SORCS2: variants seen among roughly 807,000 people sequenced by gnomAD.
SORCS2 encodes the protein sortilin related VPS10 domain containing receptor 2.
SORCS2 carries 100 observed loss-of-function variants against 141.6 expected under a neutral mutation model. That is an observed-to-expected ratio of 0.71 (90% CI 0.60 to 0.83). SORCS2 has a LOEUF of 0.83. Ranked by LOEUF, SORCS2 falls within the 40% of genes least tolerant of loss-of-function variation. The probability of loss-of-function intolerance (pLI) is 0.00; values close to 1 mark genes in which losing one functional copy is unlikely to be tolerated. For missense variants in SORCS2, 1,646 were observed against 1,560.2 expected, an observed-to-expected ratio of 1.05 and a Z score of -0.93; for synonymous variants, 789 against 676.9, an observed-to-expected ratio of 1.17 and a Z score of -2.57.
At chr4:7,359,292 T>C (rs1037677583) in intron 1 of SORCS2, among the ~76,000 whole-genome samples, 1 of 148,132 alleles carries the variant, frequency 6.8e-6, no homozygotes, top group Non-Finnish European at 1.5e-5. Flanking sequence ...CGAGACTCTG[T>C]TAAGCAAACA....
chr4:7,539,704 C>CCCGTTATGGAGGCCCCGCCCG (rs1712424646), intron 3 of SORCS2, among the ~76,000 whole-genome samples: 1 of 78,858 alleles, frequency 1.3e-5, no homozygotes, highest in Non-Finnish European at 3.5e-5. Flanking sequence ...GGCCCCGCCC[C>CCCGTTATGGAGGCCCCGCCCG]TTCCTGCTGT....
chr4:7,730,270 T>C (rs932268431), intron 23 of SORCS2, among the ~76,000 whole-genome samples: 3 of 152,076 alleles, frequency 2.0e-5, no homozygotes, highest in African/African-American at 7.2e-5. Flanking sequence ...AATCAGACAA[T>C]TCCAAGTGTT....
intron 3 of SORCS2, among the ~76,000 whole-genome samples, chr4:7,571,001 A>G (rs1212510746): frequency 2.0e-5 from 3 of 152,192 alleles, no homozygotes; most frequent in Non-Finnish European, 2.9e-5. Context: ...CCACTCTCCA[A>G]GGAAATCCCT....
chr4:7,666,812 C>A (rs561771744), intron 7 of SORCS2, among the ~76,000 whole-genome samples: 3 of 152,224 alleles, frequency 2.0e-5, no homozygotes, highest in East Asian at 3.9e-4. Context: ...GCATCTTTGG[C>A]CTGTCTCCTT....
intron 2 of SORCS2, among the ~76,000 whole-genome samples, chr4:7,417,494 C>A (rs1725776662): frequency 6.6e-6 from 1 of 152,156 alleles, no homozygotes; most frequent in Non-Finnish European, 1.5e-5. Flanking sequence ...GAAGCATGGG[C>A]ACCCTAATTC....
At position 7,510,653 on chromosome 4, in the gene SORCS2, G is replaced by T. The variant is rs540428239; in HGVS notation, c.549-20877G>T. 2.0e-5 allele frequency among the ~76,000 whole-genome samples: 3 copies of T among 150,764 alleles called. No homozygotes were observed. In the South Asian group the frequency reaches 6.3e-4, roughly 32 times the overall value. On this transcript the variant is annotated intron_variant, in intron 2 of 26. Coordinates refer to ENST00000507866, the MANE Select transcript of SORCS2 (RefSeq NM_020777.3). ...GGGCCGGCGCCTTGTTCTGGGTGCG[G>T]CATGTCCTGGAAATGCGACCCCGGG... is the stretch of plus-strand genomic sequence containing the variant.
At chr4:7,638,205 C>A (rs1184296324) in intron 3 of SORCS2, 123 bp from the exon 4 acceptor site, 6 of 1,238,222 alleles carry the variant, frequency 4.8e-6, no homozygotes, top group African/African-American at 3.1e-5. Context: ...CCGGCCCAGG[C>A]CTCACAACCC....
chr4:7,728,375 G>T lies in SORCS2; in HGVS notation c.2895G>T (p.Gln965His), dbSNP rs1427312482. 1.2e-6 allele frequency: 2 copies of T among 1,613,806 alleles called. No individual in the cohort carries two copies. Among genetic ancestry groups the T allele is most frequent in the African/African-American group, 1.3e-5 (1 of 75,052 alleles). The change falls in exon 22 of 27, where the codon CAG (glutamine) becomes CAT (histidine). Residue 965 changes from glutamine to histidine, a missense_variant. Coordinates refer to ENST00000507866, the MANE Select transcript of SORCS2 (RefSeq NM_020777.3). ...VLDQFQVMPL[Q>H]FSKELDAYNP... ...ATCAATTTCAAGTCATGCCTCTGCA[G>T]TTTTCCAAGGAGCTGGATGCCTACA...
Position 7,348,698 on chromosome 4 carries a change from C to T in SORCS2, c.481-47590C>T, listed in dbSNP as rs529957312. Among the ~76,000 whole-genome samples, 16 of 152,222 alleles carry T rather than the reference C, an allele frequency of 1.1e-4. No individual in the cohort carries two copies. In the East Asian group the frequency reaches 1.2e-3, roughly 11 times the overall value. ...TCCAGAGTAGCTGGGTTTACAGGGG[C>T]GCACCACCATGTCTGGCTAATTTTT... On this transcript the variant is annotated intron_variant, in intron 1 of 26. Transcript: ENST00000507866.
intron 2 of SORCS2, among the ~76,000 whole-genome samples, chr4:7,403,426 G>T (rs958181002): frequency 6.6e-6 from 1 of 152,112 alleles, no homozygotes; most frequent in African/African-American, 2.4e-5. Flanking sequence ...CATTTGCTAG[G>T]GTTCCATTTG....
intron 11 of SORCS2, among the ~76,000 whole-genome samples, chr4:7,694,503 C>T (rs1724468437): frequency 6.6e-6 from 1 of 152,078 alleles, no homozygotes; most frequent in African/African-American, 2.4e-5. Context: ...TCTTAAAAGA[C>T]AGACGTGTGC....
intron 2 of SORCS2, among the ~76,000 whole-genome samples, chr4:7,417,313 G>A (rs534137625): frequency 4.6e-5 from 7 of 152,300 alleles, no homozygotes; most frequent in African/African-American, 1.7e-4. Context: ...CCCAAGTCCT[G>A]CCTTTCTTGG....
intron 2 of SORCS2, among the ~76,000 whole-genome samples, chr4:7,416,386 T>C (rs1725671211): frequency 6.6e-6 from 1 of 152,158 alleles, no homozygotes; most frequent in Admixed American, 6.5e-5. Context: ...AGTCCAAGCA[T>C]GTGTGTTCCT....
intron 2 of SORCS2, among the ~76,000 whole-genome samples, chr4:7,466,994 T>C (rs543787923): frequency 6.6e-6 from 1 of 152,282 alleles, no homozygotes; most frequent in South Asian, 2.1e-4. Flanking sequence ...AGTGGCTCTG[T>C]GGCTCTTTGG....
At chr4:7,599,340 C>T (rs1420225137) in intron 3 of SORCS2, among the ~76,000 whole-genome samples, 1 of 152,196 alleles carries the variant, frequency 6.6e-6, no homozygotes, top group East Asian at 1.9e-4. Context: ...ATCCACGTGC[C>T]AGGCACTTGG....
intron 2 of SORCS2, among the ~76,000 whole-genome samples, chr4:7,500,112 T>A (rs1345086161): frequency 6.6e-6 from 1 of 152,160 alleles, no homozygotes; most frequent in African/African-American, 2.4e-5. Context: ...ACCCCCATCC[T>A]GCCTGTAACC....
chr4:7,683,931 G>A lies in SORCS2; in HGVS notation c.1488+1042G>A, dbSNP rs1723720037. On this transcript the variant is annotated intron_variant, in intron 10 of 26. Transcript: ENST00000507866. ...AGGCCCATGCTGGTGAGGAAGGAGA[G>A]ACAGAGCTGTAAGGAGCCCTGGTCC... Among the ~76,000 whole-genome samples, 3 of 152,222 alleles carry A rather than the reference G, an allele frequency of 2.0e-5. No individual in the cohort carries two copies. The South Asian group carries it at 6.2e-4, about 32-fold the overall frequency.
At chr4:7,471,242 T>A (rs796275668) in intron 2 of SORCS2, among the ~76,000 whole-genome samples, 17 of 152,362 alleles carry the variant, frequency 1.1e-4, no homozygotes, top group African/African-American at 3.4e-4. Flanking sequence ...GCTCAGCTCC[T>A]GCCTCGCGCA....
At chr4:7,695,444 G>C (rs1481332504) in intron 11 of SORCS2, among the ~76,000 whole-genome samples, 1 of 44,002 alleles carries the variant, frequency 2.3e-5, no homozygotes, top group East Asian at 8.3e-4. Flanking sequence ...GGATTGGTGG[G>C]TGGGTGGGTG....
Sources: gnomAD v4.1 joint callset for allele counts (sites outside exome capture counted in the v4.1 genomes callset) on GRCh38, gnomAD v4.1.1 for gene constraint, MANE v1.5 for transcripts, NCBI Gene and HGNC (gene_info 2026-07-23, HGNC 2026-07-21) for gene names.